The following TNKS variants were observed in gnomAD, a reference collection of about 807,000 sequenced individuals.
TNKS encodes tankyrase.
TNKS carries 72 observed loss-of-function variants against 135.8 expected under a neutral mutation model. The observed-to-expected ratio is 0.53, with a 90% CI of 0.44 to 0.64. The LOEUF (loss-of-function observed/expected upper bound fraction) is 0.64, where lower values mean the gene tolerates loss of function less well. Among genes scored for constraint, TNKS ranks in the 30% least tolerant of loss-of-function variants. The probability of loss-of-function intolerance (pLI) is 0.00; values close to 1 mark genes in which losing one functional copy is unlikely to be tolerated. For missense variants in TNKS, 1,769 were observed against 1,674.0 expected (o/e 1.06, Z -0.99); for synonymous variants, 849 against 649.3 (o/e 1.31, Z -4.68).
Position 9,776,831 on chromosome 8 carries a change from C to G in TNKS, c.*95C>G. 25 of 1,219,566 alleles carry G rather than the reference C, an allele frequency of 2.0e-5. No individual in the cohort carries two copies. The highest frequency in any genetic ancestry group is 3.0e-5 in the Non-Finnish European group (25 of 843,562). The allele number at this position is 1,219,566 out of a possible 1,614,324, so 75.5% of individuals were successfully genotyped here. On this transcript the variant is annotated 3_prime_UTR_variant, in exon 27 of 27. Coordinates refer to ENST00000310430, the MANE Select transcript of TNKS (RefSeq NM_003747.3). ...AACAACATCAATATTCTAGAAGTCC[C>G]TGACAGCCTAGAAATAAGCTGTTTG... is the stretch of plus-strand genomic sequence containing the variant.
At chr8:9,704,556 C>T (rs1452499794) in intron 5 of TNKS, 107 bp from the exon 6 acceptor site, 1 of 854,882 alleles carries the variant, frequency 1.2e-6, no homozygotes, top group African/African-American at 1.7e-5. Flanking sequence ...CATTTCAGCG[C>T]AGTATTTTTG....
At chr8:9,689,408 C>A (rs1472889702) in intron 5 of TNKS, among the ~76,000 whole-genome samples, 1 of 152,068 alleles carries the variant, frequency 6.6e-6, no homozygotes. Context: ...TATGCATAAT[C>A]ACTTGAAATG....
chr8:9,570,424 C>A (rs1185622061), intron 1 of TNKS, among the ~76,000 whole-genome samples: 5 of 152,212 alleles, frequency 3.3e-5, no homozygotes, highest in Non-Finnish European at 7.3e-5. Context: ...GGAAGAGATT[C>A]CAGTGGCAGT....
At chr8:9,625,535 T>A (rs1351659302) in intron 3 of TNKS, among the ~76,000 whole-genome samples, 1 of 152,156 alleles carries the variant, frequency 6.6e-6, no homozygotes, top group Non-Finnish European at 1.5e-5. Context: ...ATAATTTTTC[T>A]TTTAAGTACT....
intron 1 of TNKS, among the ~76,000 whole-genome samples, chr8:9,563,022 A>G (rs1247593608): frequency 1.3e-5 from 2 of 151,864 alleles, no homozygotes; most frequent in Non-Finnish European, 2.9e-5. Context: ...TTTTCTTTTT[A>G]TGTATATTGA....
At chr8:9,570,254 A>G (rs1028065158) in intron 1 of TNKS, among the ~76,000 whole-genome samples, 6 of 152,196 alleles carry the variant, frequency 3.9e-5, no homozygotes, top group African/African-American at 1.4e-4. Context: ...AGCCTGGGCA[A>G]TAAAGCGAGA....
At chr8:9,766,524 T>C (rs1186915196) in intron 25 of TNKS, 99 bp downstream of exon 25, 1 of 1,163,318 alleles carries the variant, frequency 8.6e-7, no homozygotes, top group Non-Finnish European at 1.1e-6. Context: ...CTTGCTCTTG[T>C]CACCCAGGCT....
chr8:9,759,239 C>A (rs1355355177), intron 20 of TNKS, among the ~76,000 whole-genome samples: 1 of 152,188 alleles, frequency 6.6e-6, no homozygotes, highest in African/African-American at 2.4e-5. Flanking sequence ...AGCGTGGCAG[C>A]CAGTTCTTCT....
At chr8:9,743,803 T>C (rs1806094400) in intron 17 of TNKS, among the ~76,000 whole-genome samples, 1 of 152,214 alleles carries the variant, frequency 6.6e-6, no homozygotes, top group African/African-American at 2.4e-5. Flanking sequence ...GTTCCTGTAC[T>C]AAGCCAGTCA....
chr8:9,655,973 G>T (rs1329511577), intron 3 of TNKS, among the ~76,000 whole-genome samples: 1 of 152,126 alleles, frequency 6.6e-6, no homozygotes, highest in South Asian at 2.1e-4. Context: ...TGAACCGATG[G>T]CAAAGAAGTT....
At chr8:9,741,400 A>G (rs1805953350) in intron 17 of TNKS, among the ~76,000 whole-genome samples, 1 of 152,156 alleles carries the variant, frequency 6.6e-6, no homozygotes, top group Non-Finnish European at 1.5e-5. Flanking sequence ...AGACTACAGT[A>G]GATCCCATAC....
chr8:9,588,603 G>GGAATTTT (rs1380087734), intron 2 of TNKS, among the ~76,000 whole-genome samples: 1 of 152,134 alleles, frequency 6.6e-6, no homozygotes, highest in Non-Finnish European at 1.5e-5. Context: ...TCTAAAAAGG[G>GGAATTTT]GAATTTTATT....
chr8:9,652,382 T>C (rs1239271342), intron 3 of TNKS, among the ~76,000 whole-genome samples: 2 of 152,220 alleles, frequency 1.3e-5, no homozygotes, highest in African/African-American at 2.4e-5. Context: ...TCACTTTTTC[T>C]TGGAAATTAT....
At chr8:9,625,832 A>T (rs1187494813) in intron 3 of TNKS, among the ~76,000 whole-genome samples, 2 of 152,158 alleles carry the variant, frequency 1.3e-5, no homozygotes, top group South Asian at 4.1e-4. Flanking sequence ...GACATGGACT[A>T]TTTTTGTAAA....
At chr8:9,612,428 A>G (rs1799495945) in intron 2 of TNKS, among the ~76,000 whole-genome samples, 1 of 152,174 alleles carries the variant, frequency 6.6e-6, no homozygotes, top group Admixed American at 6.5e-5. Flanking sequence ...TATGCTTTGT[A>G]TAGCACAGAC....
chr8:9,717,611 C>G (rs1452042159), intron 11 of TNKS, among the ~76,000 whole-genome samples: 1 of 152,004 alleles, frequency 6.6e-6, no homozygotes, highest in African/African-American at 2.4e-5. Context: ...GTTTGTTGCT[C>G]TTGTGAGGCA....
chr8:9,776,445 C>T (rs191448360), intron 26 of TNKS, among the ~76,000 whole-genome samples: 213 of 152,270 alleles, frequency 1.4e-3, no homozygotes, highest in African/African-American at 5.0e-3. Context: ...GTAGAAATAA[C>T]ATTCAGTTTT....
chr8:9,772,856 T>G lies in TNKS; in HGVS notation c.3897+2594T>G, dbSNP rs796810183. Among the ~76,000 whole-genome samples, 40 of 140,008 alleles carry G rather than the reference T, an allele frequency of 2.9e-4. 1 individual carries two copies. In the South Asian group the frequency reaches 8.9e-3, roughly 31 times the overall value. The allele number at this position is 140,008 out of a possible 152,430, so 91.9% of individuals were successfully genotyped here. On this transcript the variant is annotated intron_variant, in intron 26 of 26. Coordinates refer to ENST00000310430, the MANE Select transcript of TNKS (RefSeq NM_003747.3). The stretch of plus-strand genomic sequence containing the variant: ...CTGTGTGTGTGTGTGTGTGTGTGTG[T>G]GTGTAGTGCGTATGTGTGGGTGTGG...
At chr8:9,691,294 A>G (rs1303420374) in intron 5 of TNKS, among the ~76,000 whole-genome samples, 8 of 152,086 alleles carry the variant, frequency 5.3e-5, no homozygotes, top group Non-Finnish European at 7.4e-5. Context: ...ATATTAAACT[A>G]TTTTTAGGCA....
Sources: allele counts gnomAD v4.1 joint callset (sites outside exome capture counted in the v4.1 genomes callset), GRCh38; gene constraint gnomAD v4.1.1; transcripts MANE v1.5; gene names NCBI Gene and HGNC (gene_info 2026-07-23, HGNC 2026-07-21).